NRG1: variants seen among roughly 807,000 people sequenced by gnomAD.
NRG1 encodes the protein neuregulin 1, also known as pro-neuregulin-1, membrane-bound isoform.
NRG1 carries 18 observed loss-of-function variants against 63.8 expected under a neutral mutation model. That is an observed-to-expected ratio of 0.28 (90% CI 0.19 to 0.42). The LOEUF is 0.42. Among genes scored for constraint, NRG1 ranks in the 10% least tolerant of loss-of-function variants. The pLI, the probability that NRG1 is intolerant of heterozygous loss-of-function variation, is 1.00. For missense variants in NRG1, 762 were observed against 814.7 expected, an observed-to-expected ratio of 0.94 and a Z score of 0.79; for synonymous variants, 302 against 301.3, an observed-to-expected ratio of 1.00 and a Z score of -0.02.
Position 31,640,603 on chromosome 8 carries a change from T to C in NRG1, c.37+1172T>C. 6.2e-7 allele frequency: 1 copy of C among 1,612,152 alleles called. No homozygotes were observed. The highest frequency in any genetic ancestry group is 1.1e-5 in the South Asian group (1 of 91,050). On this transcript the variant is annotated intron_variant, in intron 1 of 10. Transcript: ENST00000519301. This position sits in a 1 kb window ranked among gnomAD's most constrained non-coding sequence, Gnocchi z 6.3. ...GCTCAAGGAGGACAGCAGGTACATC[T>C]TCTTCATGGAGCCCGACGCCAACAG...
At chr8:32,195,146 C>A (rs1842840701) in intron 1 of NRG1, among the ~76,000 whole-genome samples, 1 of 151,942 alleles carries the variant, frequency 6.6e-6, no homozygotes, top group African/African-American at 2.4e-5. Context: ...AAGAAGTAGC[C>A]ATCAAAAGCC....
intron 1 of NRG1, among the ~76,000 whole-genome samples, chr8:31,962,443 C>A (rs1805610050): frequency 6.6e-6 from 1 of 152,060 alleles, no homozygotes. Flanking sequence ...TCAAACTTTG[C>A]AAATTACAGT....
chr8:31,860,503 C>G (rs1183392930), intron 1 of NRG1, among the ~76,000 whole-genome samples: 1 of 152,056 alleles, frequency 6.6e-6, no homozygotes. Flanking sequence ...GCCATTTAAC[C>G]AGGCAACATT....
intron 1 of NRG1, among the ~76,000 whole-genome samples, chr8:32,211,207 C>G (rs1844672899): frequency 6.6e-6 from 1 of 152,088 alleles, no homozygotes; most frequent in Admixed American, 6.6e-5. Flanking sequence ...TTTCTATATA[C>G]ACAGTATATC....
intron 1 of NRG1, among the ~76,000 whole-genome samples, chr8:31,865,278 C>T (rs1248879754): frequency 6.6e-6 from 1 of 152,100 alleles, no homozygotes; most frequent in Non-Finnish European, 1.5e-5. Context: ...ATGACTGAGG[C>T]ACCAGAGGAA....
At chr8:32,264,488 G>A (rs1396412799) in intron 1 of NRG1, among the ~76,000 whole-genome samples, 2 of 152,126 alleles carry the variant, frequency 1.3e-5, no homozygotes, top group Non-Finnish European at 2.9e-5. Flanking sequence ...GAGAAAACCT[G>A]GTTAACTCCA....
intron 1 of NRG1, among the ~76,000 whole-genome samples, chr8:31,894,525 A>G (rs1055406539): frequency 2.0e-5 from 3 of 151,710 alleles, no homozygotes; most frequent in Non-Finnish European, 4.4e-5. Context: ...TGAGTAGTGA[A>G]ATCATAATTG....
At chr8:32,174,327 CA>C (rs1301941792) in intron 1 of NRG1, among the ~76,000 whole-genome samples, 1 of 151,874 alleles carries the variant, frequency 6.6e-6, no homozygotes, top group Non-Finnish European at 1.5e-5. Flanking sequence ...GGGACACATT[CA>C]AAGCAGTGTG....
chr8:31,774,340 C>T (rs1020996017), intron 1 of NRG1, among the ~76,000 whole-genome samples: 3 of 152,086 alleles, frequency 2.0e-5, no homozygotes, highest in Non-Finnish European at 4.4e-5. Flanking sequence ...TTCTTCATGA[C>T]CCTTATATAT....
At chr8:32,165,794 A>G (rs1283683972) in intron 1 of NRG1, among the ~76,000 whole-genome samples, 14 of 152,174 alleles carry the variant, frequency 9.2e-5, no homozygotes. Flanking sequence ...TCTATAACCC[A>G]TAATATCTCC....
chr8:31,830,346 C>CTTCCTTCT, intron 1 of NRG1, among the ~76,000 whole-genome samples: 1 of 114,420 alleles, frequency 8.7e-6, no homozygotes, highest in Non-Finnish European at 1.8e-5. Flanking sequence ...TCCTTCCTTC[C>CTTCCTTCT]TTCCTTCCTT....
rs191838814 is a variant in NRG1, at chr8:31,887,251, C to T, written c.37+247820C>T. ...AACAATTTGTGAGATAGAATAGTAACGACAAACATACATAAGAGAAAAGGC... is the reference window on the plus strand; with the variant it reads ...AACAATTTGTGAGATAGAATAGTAATGACAAACATACATAAGAGAAAAGGC... On this transcript the variant is annotated intron_variant, in intron 1 of 10. Coordinates refer to the NRG1 transcript ENST00000519301. 8.0e-4 allele frequency among the ~76,000 whole-genome samples: 121 copies of T among 151,874 alleles called. 1 individual carries two copies. Among genetic ancestry groups the T allele is most frequent in the African/African-American group, 2.6e-3 (106 of 41,404 alleles).
intron 1 of NRG1, among the ~76,000 whole-genome samples, chr8:32,412,257 C>T (rs1042110424): frequency 7.9e-5 from 12 of 151,732 alleles, no homozygotes; most frequent in Non-Finnish European, 1.3e-4. Flanking sequence ...CATTGGCTCT[C>T]CTGGTTCTCA....
intron 1 of NRG1, among the ~76,000 whole-genome samples, chr8:32,392,553 A>C (rs1299979631): frequency 3.9e-5 from 6 of 152,192 alleles, no homozygotes; most frequent in Admixed American, 3.9e-4. Context: ...TACCATTATC[A>C]TCTATTTATC....
rs186459810 is a variant in NRG1 at position 32,035,645 on chromosome 8, G to A, written c.37+396214G>A. Among the ~76,000 whole-genome samples the A allele has an allele frequency of 4.6e-5, 7 of 152,232 alleles. No homozygotes were observed. The East Asian group carries it at 1.4e-3, about 29-fold the overall frequency. On this transcript the variant is annotated intron_variant, in intron 1 of 10. Transcript: ENST00000519301. ...CCTGTATTGGGTGCATAAATATTTA[G>A]GATAGTTAACTTTTCTTGTTGTCCC...
At chr8:32,601,334 T>TGAG (rs1437652537) in intron 2 of NRG1, among the ~76,000 whole-genome samples, 1 of 152,158 alleles carries the variant, frequency 6.6e-6, no homozygotes, top group Non-Finnish European at 1.5e-5. Flanking sequence ...AAACCACTGA[T>TGAG]CTAATTTAAT....
chr8:32,003,026 A>G (rs1438132228), intron 1 of NRG1, among the ~76,000 whole-genome samples: 1 of 152,086 alleles, frequency 6.6e-6, no homozygotes, highest in East Asian at 1.9e-4. Flanking sequence ...GCTGTAGGAA[A>G]GACACTTTAT....
chr8:31,749,401 G>T (rs948278231), intron 1 of NRG1, among the ~76,000 whole-genome samples: 1 of 151,626 alleles, frequency 6.6e-6, no homozygotes, highest in African/African-American at 2.4e-5. Flanking sequence ...AATGATACTT[G>T]CCAATCCCAG....
chr8:32,016,933 C>T (rs1815639999), intron 1 of NRG1, among the ~76,000 whole-genome samples: 1 of 152,158 alleles, frequency 6.6e-6, no homozygotes, highest in African/African-American at 2.4e-5. Flanking sequence ...ATCATACCAT[C>T]GTTTGCCATT....
Sources: gnomAD v4.1 joint callset for allele counts (sites outside exome capture counted in the v4.1 genomes callset) on GRCh38, gnomAD v4.1.1 for gene constraint, Gnocchi (gnomAD v3.1) non-coding constraint, MANE v1.5 for transcripts, NCBI Gene and HGNC (gene_info 2026-07-23, HGNC 2026-07-21) for gene names.